Variants in WFS1 observed in about 807,000 individuals in gnomAD.
WFS1 encodes the protein wolframin.
WFS1 carries 90 observed loss-of-function variants against 68.5 expected under a neutral mutation model. The observed-to-expected ratio is 1.31, with a 90% CI of 1.11 to 1.56. The LOEUF (loss-of-function observed/expected upper bound fraction) is 1.56, where lower values mean the gene tolerates loss of function less well. Ranked by LOEUF, WFS1 falls within the 40% of genes most tolerant of loss-of-function variation. The pLI is 0.00. For missense variants in WFS1, 1,767 were observed against 1,232.6 expected (o/e 1.43, Z -6.49); for synonymous variants, 860 against 540.7 (o/e 1.59, Z -8.19).
At chr4:6,300,268 C>T (rs775153167) in intron 7 of WFS1, among the ~76,000 whole-genome samples, 1 of 152,154 alleles carries the variant, frequency 6.6e-6, no homozygotes, top group Non-Finnish European at 1.5e-5. Context: ...AACCAGCTCC[C>T]AGACAGGCAT....
At chr4:6,293,282 G>A (rs1364734373) in intron 6 of WFS1, among the ~76,000 whole-genome samples, 1 of 152,166 alleles carries the variant, frequency 6.6e-6, no homozygotes, top group Non-Finnish European at 1.5e-5. Flanking sequence ...TGCTGGGGGC[G>A]AGTTAGGAGT....
Position 6,301,964 on chromosome 4 carries a change from C to T in WFS1, c.2169C>T (p.Leu723=). 1.2e-6 allele frequency: 2 copies of T among 1,612,828 alleles called. No individual in the cohort carries two copies. The highest frequency in any genetic ancestry group is 1.1e-5 in the South Asian group (1 of 91,070). Residue 723 remains leucine, a synonymous_variant, in exon 8 of 8, where the codon CTC becomes CTT. Coordinates refer to ENST00000226760, the MANE Select transcript of WFS1 (RefSeq NM_006005.3). The stretch of plus-strand genomic sequence containing the variant: ...GCGCCGAGTCTGCCATCAACATGCT[C>T]CCGTTCTTCATCGGCGACTGGATGC... ...DNSAESAINM[L]PFFIGDWMRC...
At chr4:6,270,562 C>T (rs377587103) in intron 1 of WFS1, among the ~76,000 whole-genome samples, 5 of 152,290 alleles carry the variant, frequency 3.3e-5, no homozygotes, top group East Asian at 1.9e-4. Context: ...CTTAGGAGCG[C>T]TGTGGCAGTT....
chr4:6,298,440 C>T (rs890681207), intron 7 of WFS1, among the ~76,000 whole-genome samples: 1 of 151,720 alleles, frequency 6.6e-6, no homozygotes. Context: ...AGGTTGTTGA[C>T]CCCAGAGAGA....
chr4:6,301,569 C>G lies in WFS1; in HGVS notation c.1774C>G (p.Leu592Val), dbSNP rs759136937. 140 of 1,614,078 alleles carry G rather than the reference C, an allele frequency of 8.7e-5. 2 individuals carry two copies. In the South Asian group the frequency reaches 1.4e-3, roughly 17 times the overall value. ...GCAGTTCGCCCGGTGGTTCACGTCT[C>G]TGGAGCTCACCAAGATCGCAGTCAC... ...VLQFARWFTS[L>V]ELTKIAVTVA... Residue 592 changes from leucine to valine, a missense_variant, in exon 8 of 8, where the codon CTG becomes GTG. Physicochemically the swap from Leu to Val is conservative, Grantham distance 32 (BLOSUM62 1). Transcript: ENST00000226760.
chr4:6,289,236 G>A, intron 4 of WFS1, 105 bp downstream of exon 4: 2 of 1,423,212 alleles, frequency 1.4e-6, no homozygotes, highest in Non-Finnish European at 1.9e-6. Context: ...CGCTGGTGAT[G>A]CTGTTGGGAA....
At chr4:6,280,778 C>T (rs1730138470) in intron 2 of WFS1, among the ~76,000 whole-genome samples, 1 of 152,128 alleles carries the variant, frequency 6.6e-6, no homozygotes, top group African/African-American at 2.4e-5. Context: ...TCCCACTATG[C>T]GGCCCTGAGC....
In WFS1 at chr4:6,302,078, C is replaced by T. The variant is rs768460875; in HGVS notation, c.2283C>T (p.Ala761=). Residue 761 remains alanine (A), a synonymous_variant, in exon 8 of 8, where the codon GCC becomes GCT. Coordinates refer to ENST00000226760, the MANE Select transcript of WFS1 (RefSeq NM_006005.3). ...EEELCRLKLL[A]KHPCHIKKFD... is the part of the protein sequence containing the mutation. ...AGCTCTGTCGCCTTAAGCTGCTGGC[C>T]AAGCACCCCTGCCACATCAAGAAGT... 2 of 1,612,898 alleles carry T rather than the reference C, an allele frequency of 1.2e-6. No homozygotes were observed. The highest frequency in any genetic ancestry group is 1.1e-5 in the South Asian group (1 of 91,088).
At position 6,291,769 on chromosome 4, in the gene WFS1, G is replaced by A; in HGVS notation, c.632-148G>A. On this transcript the variant is annotated intron_variant, in intron 5 of 7. Transcript: ENST00000226760. ...GGTACAGAGGTGTGGCCCCTGCTCT[G>A]CCTGCCCTGGGGGCCCTATGATCCC... is the stretch of plus-strand genomic sequence containing the variant. 4 of 850,112 alleles carry A rather than the reference G, an allele frequency of 4.7e-6. 1 individual carries two copies. The South Asian group carries it at 6.2e-5, about 13-fold the overall frequency. 52.7% of individuals were successfully genotyped at this position (850,112 alleles called of 1,614,324 possible). A position where few individuals can be genotyped will look rare whatever the true frequency, so the allele number is the denominator to read the frequency against.
At chr4:6,273,430 G>A (rs138094337) in intron 1 of WFS1, among the ~76,000 whole-genome samples, 8 of 152,340 alleles carry the variant, frequency 5.3e-5, no homozygotes, top group Admixed American at 2.6e-4. Context: ...GTGCCCCACC[G>A]TGCAGGTGGG....
chr4:6,277,980 C>G (rs1328744764), intron 2 of WFS1, among the ~76,000 whole-genome samples: 2 of 152,254 alleles, frequency 1.3e-5, no homozygotes, highest in East Asian at 3.9e-4. Context: ...GCAACAGCGT[C>G]CAAACATGTG....
intron 2 of WFS1, among the ~76,000 whole-genome samples, chr4:6,280,172 G>A (rs888696096): frequency 6.6e-6 from 1 of 152,250 alleles, no homozygotes; most frequent in Non-Finnish European, 1.5e-5. Flanking sequence ...TGGCAGCCCT[G>A]AGAGGGGAAA....
In WFS1 at chr4:6,301,789, C is replaced by A. The variant is rs138258392; in HGVS notation, c.1994C>A (p.Thr665Asn). 1.2e-6 allele frequency: 2 copies of A among 1,613,452 alleles called. No individual in the cohort carries two copies. Among genetic ancestry groups the A allele is most frequent in the Non-Finnish European group, 1.7e-6 (2 of 1,180,032 alleles). ...ATGAAGGTCTACAACTCCACACTGA[C>A]CTGGCAGCAGTATGGTGCGCTGTGC... ...EGMKVYNSTL[T>N]WQQYGALCGP... The change falls in exon 8 of 8, where the codon ACC becomes AAC. Residue 665 changes from threonine to asparagine, a missense_variant. Coordinates refer to ENST00000226760, the MANE Select transcript of WFS1 (RefSeq NM_006005.3).
intron 4 of WFS1, 77 bp from the exon 5 acceptor site, chr4:6,291,120 C>A: frequency 6.5e-7 from 1 of 1,532,896 alleles, no homozygotes; most frequent in Non-Finnish European, 9.0e-7. Context: ...GCCTTCCAGG[C>A]AGAGTTGGCA....
At position 6,288,972 on chromosome 4, in the gene WFS1, G is replaced by C. The variant is rs746375618; in HGVS notation, c.316-15G>C. ...GGTCGGAGAATCTGGAGGCTGACTG[G>C]TGTCTGGCTTGCAGGTGGGGAAGCA... On this transcript the variant is annotated splice_polypyrimidine_tract_variant and intron_variant, in intron 3 of 7. Coordinates refer to ENST00000226760, the MANE Select transcript of WFS1 (RefSeq NM_006005.3). 1.2e-6 allele frequency: 2 copies of C among 1,606,594 alleles called. No homozygotes were observed. The highest frequency in any genetic ancestry group is 1.7e-6 in the Non-Finnish European group (2 of 1,177,122).
chr4:6,288,847 GC>G, intron 3 of WFS1, 139 bp from the exon 4 acceptor site: 1 of 1,286,110 alleles, frequency 7.8e-7, no homozygotes, highest in South Asian at 1.3e-5. Flanking sequence ...TAGTGGACAT[GC>G]CTGGTGTGAC....
Position 6,287,069 on chromosome 4 carries a change from G to A in WFS1, c.233-24G>A. On this transcript the variant is annotated intron_variant, in intron 2 of 7. Coordinates refer to ENST00000226760, the MANE Select transcript of WFS1 (RefSeq NM_006005.3). This position sits in a 1 kb window ranked among gnomAD's most constrained non-coding sequence, Gnocchi z 6.4. ...GACAAAGTCTGGCTTTGTGACATGT[G>A]TGTTTGTTTCTTCTGTGTTAAAGGG... 1 of 1,550,402 alleles carries A rather than the reference G, an allele frequency of 6.4e-7. No individual in the cohort carries two copies.
At chr4:6,286,433 C>G (rs972970018) in intron 2 of WFS1, among the ~76,000 whole-genome samples, 4 of 152,196 alleles carry the variant, frequency 2.6e-5, no homozygotes, top group Non-Finnish European at 5.9e-5. Flanking sequence ...GAGTCTGCAA[C>G]ACTATGATCT....
intron 2 of WFS1, among the ~76,000 whole-genome samples, chr4:6,285,440 G>T (rs2109112925): frequency 6.6e-6 from 1 of 152,238 alleles, no homozygotes; most frequent in Admixed American, 6.5e-5. Flanking sequence ...CTTTGTGTTG[G>T]CGAGTTGTCC....
Sources: gnomAD v4.1 joint callset for allele counts (sites outside exome capture counted in the v4.1 genomes callset) on GRCh38, gnomAD v4.1.1 for gene constraint, Gnocchi (gnomAD v3.1) non-coding constraint, MANE v1.5 for transcripts, NCBI Gene and HGNC (gene_info 2026-07-23, HGNC 2026-07-21) for gene names.